Variants in PRKG1 observed in about 807,000 individuals in gnomAD.
PRKG1 encodes cGMP-dependent protein kinase 1.
A neutral mutation model predicts 88.1 loss-of-function variants in PRKG1; 35 were observed. The observed-to-expected ratio is 0.40, with a 90% CI of 0.30 to 0.53. The LOEUF is 0.53. Among genes scored for constraint, PRKG1 ranks in the 20% least tolerant of loss-of-function variants. The probability of loss-of-function intolerance (pLI) is 0.59; values close to 1 mark genes in which losing one functional copy is unlikely to be tolerated. For synonymous variants in PRKG1, 303 were observed against 292.5 expected, an observed-to-expected ratio of 1.04 and a Z score of -0.37; for missense variants, 540 against 839.8, an observed-to-expected ratio of 0.64 and a Z score of 4.41.
intron 3 of PRKG1, among the ~76,000 whole-genome samples, chr10:51,594,103 C>T (rs1385017079): frequency 1.3e-5 from 2 of 152,230 alleles, no homozygotes; most frequent in South Asian, 2.1e-4. Flanking sequence ...TAGCTCACTG[C>T]AGTCTCAAAC....
In PRKG1 at chr10:51,151,010, T is replaced by C. The variant is rs1415655201; in HGVS notation, c.312-2154T>C. Among the ~76,000 whole-genome samples the C allele has an allele frequency of 2.6e-5, 4 of 151,806 alleles. No homozygotes were observed. In the East Asian group the frequency reaches 7.7e-4, roughly 29 times the overall value. Reference sequence around the variant, plus strand: ...TTCTAGGACTTAAATCTTTATAGGGTACTATTAATACTTCCTAAAGGATAA... The same window carrying C: ...TTCTAGGACTTAAATCTTTATAGGGCACTATTAATACTTCCTAAAGGATAA... On this transcript the variant is annotated intron_variant, in intron 1 of 17. Transcript: ENST00000373980.
At chr10:51,205,979 G>A (rs753644609) in intron 2 of PRKG1, among the ~76,000 whole-genome samples, 3 of 152,106 alleles carry the variant, frequency 2.0e-5, no homozygotes, top group African/African-American at 7.2e-5. Flanking sequence ...GTGTGGATGG[G>A]TGGTTAAATT....
At chr10:51,838,673 G>T (rs1176612109) in intron 4 of PRKG1, among the ~76,000 whole-genome samples, 1 of 152,104 alleles carries the variant, frequency 6.6e-6, no homozygotes, top group Non-Finnish European at 1.5e-5. Context: ...TGAAAGCAGA[G>T]ATTGTTTTGG....
chr10:52,169,416 C>G (rs1414795692), intron 9 of PRKG1, among the ~76,000 whole-genome samples: 1 of 152,108 alleles, frequency 6.6e-6, no homozygotes, highest in Non-Finnish European at 1.5e-5. Context: ...CAAGAGCTCT[C>G]TGGGGTCTCT....
chr10:51,005,243 G>A (rs1202289672), intron 1 of PRKG1, among the ~76,000 whole-genome samples: 3 of 151,472 alleles, frequency 2.0e-5, no homozygotes, highest in Non-Finnish European at 4.4e-5. Flanking sequence ...TCTTGTGCAG[G>A]AGTAACAGGG....
chr10:51,710,537 C>G (rs150681527), intron 3 of PRKG1, among the ~76,000 whole-genome samples: 4 of 152,302 alleles, frequency 2.6e-5, no homozygotes, highest in African/African-American at 9.6e-5. Context: ...CAAGCCTGCT[C>G]TATGGATAGT....
At chr10:51,611,954 T>A (rs576558661) in intron 3 of PRKG1, among the ~76,000 whole-genome samples, 125 of 152,166 alleles carry the variant, frequency 8.2e-4, no homozygotes, top group Middle Eastern at 6.8e-3. Flanking sequence ...TATAAATATA[T>A]CGATTTATTT....
chr10:51,290,578 C>T (rs1261531098), intron 2 of PRKG1, among the ~76,000 whole-genome samples: 1 of 152,124 alleles, frequency 6.6e-6, no homozygotes, highest in African/African-American at 2.4e-5. Flanking sequence ...TTGTATGCTT[C>T]AGGATGTGAT....
At chr10:51,295,275 G>A (rs1250179419) in intron 2 of PRKG1, among the ~76,000 whole-genome samples, 1 of 152,046 alleles carries the variant, frequency 6.6e-6, no homozygotes, top group East Asian at 1.9e-4. Context: ...AACCATGTAT[G>A]TCTTTCCATT....
chr10:52,162,071 T>A, intron 9 of PRKG1, 108 bp downstream of exon 9: 1 of 919,098 alleles, frequency 1.1e-6, no homozygotes, highest in Non-Finnish European at 1.7e-6. Flanking sequence ...AGGAAACAAC[T>A]AATTAGTTGA....
At chr10:51,993,962 G>T (rs561573484) in intron 5 of PRKG1, among the ~76,000 whole-genome samples, 76 of 152,048 alleles carry the variant, frequency 5.0e-4, no homozygotes, top group Non-Finnish European at 9.3e-4. Context: ...CCTTCCTTCG[G>T]TGGCCTGAGC....
intron 2 of PRKG1, among the ~76,000 whole-genome samples, chr10:51,352,189 C>A (rs1842263572): frequency 6.6e-6 from 1 of 152,038 alleles, no homozygotes; most frequent in African/African-American, 2.4e-5. Context: ...ATGCCTCCAG[C>A]TTTGGTCTTT....
At chr10:51,197,498 T>C (rs1353596151) in intron 2 of PRKG1, among the ~76,000 whole-genome samples, 1 of 151,946 alleles carries the variant, frequency 6.6e-6, no homozygotes, top group Non-Finnish European at 1.5e-5. Flanking sequence ...TCTCAAAAAC[T>C]CCTGACCTCA....
In PRKG1 at chr10:51,315,980, C is replaced by T. The variant is rs76368603; in HGVS notation, c.479-151743C>T. Among the ~76,000 whole-genome samples the T allele has an allele frequency of 2.6e-4, 39 of 152,268 alleles. 1 individual carries two copies. In the East Asian group the frequency reaches 6.2e-3, roughly 24 times the overall value. On this transcript the variant is annotated intron_variant, in intron 2 of 17. Transcript: ENST00000373980. ...TTCAAAATCTCCTATAATTGGGTTT[C>T]TCCTCCAGGTCAGGGATAGATGAGG...
intron 4 of PRKG1, among the ~76,000 whole-genome samples, chr10:51,832,736 A>G (rs1043095564): frequency 6.6e-6 from 1 of 152,160 alleles, no homozygotes; most frequent in African/African-American, 2.4e-5. Flanking sequence ...TTAGACAGCA[A>G]TTTGCATTAC....
chr10:52,124,403 T>C (rs1326883887), intron 7 of PRKG1, among the ~76,000 whole-genome samples: 2 of 152,180 alleles, frequency 1.3e-5, no homozygotes, highest in Non-Finnish European at 2.9e-5. Flanking sequence ...TATCTAAATA[T>C]ATCTAAACAT....
chr10:51,055,431 A>G (rs1283189684), intron 1 of PRKG1, among the ~76,000 whole-genome samples: 1 of 152,212 alleles, frequency 6.6e-6, no homozygotes, highest in African/African-American at 2.4e-5. Flanking sequence ...ATAATCTTAT[A>G]AAGCCAGAAT....
intron 9 of PRKG1, among the ~76,000 whole-genome samples, chr10:52,236,302 G>T: frequency 4.5e-5 from 4 of 88,012 alleles, no homozygotes; most frequent in South Asian, 5.2e-4. Flanking sequence ...CAGAAGGCAA[G>T]AAATAACTAA....
intron 3 of PRKG1, among the ~76,000 whole-genome samples, chr10:51,718,479 T>C (rs1036433282): frequency 3.3e-5 from 5 of 151,966 alleles, no homozygotes; most frequent in Non-Finnish European, 7.4e-5. Flanking sequence ...GGCTAAGGAG[T>C]TTGGATTTTC....
Sources: gnomAD v4.1 joint callset for allele counts (sites outside exome capture counted in the v4.1 genomes callset) on GRCh38, gnomAD v4.1.1 for gene constraint, MANE v1.5 for transcripts, NCBI Gene and HGNC (gene_info 2026-07-23, HGNC 2026-07-21) for gene names.